The following METTL15 variants were observed in gnomAD, a reference collection of about 807,000 sequenced individuals.
The protein encoded by METTL15 is 12S rRNA N(4)-cytidine methyltransferase METTL15.
A neutral mutation model predicts 38.3 loss-of-function variants in METTL15; 34 were observed. The observed-to-expected ratio is 0.89, with a 90% confidence interval of 0.68 to 1.18. The LOEUF (loss-of-function observed/expected upper bound fraction) is 1.18. Among genes scored for constraint, METTL15 ranks in the 50% most tolerant of loss-of-function variants. The pLI, the probability that METTL15 is intolerant of heterozygous loss-of-function variation, is 0.00. For missense variants in METTL15, 438 were observed against 498.4 expected (o/e 0.88, Z 1.15); for synonymous variants, 162 against 170.9 (o/e 0.95, Z 0.41).
intron 4 of METTL15, among the ~76,000 whole-genome samples, chr11:28,223,216 A>T (rs1483738335): frequency 6.6e-6 from 1 of 152,166 alleles, no homozygotes; most frequent in Non-Finnish European, 1.5e-5. Context: ...AGACAGGATT[A>T]ACAATGGAGG....
intron 3 of METTL15, among the ~76,000 whole-genome samples, chr11:28,199,467 T>G (rs758184500): frequency 6.6e-6 from 1 of 152,190 alleles, no homozygotes; most frequent in Non-Finnish European, 1.5e-5. Context: ...GAAGTTTCTC[T>G]TAAAATGCCT....
chr11:28,394,345 C>T (rs1850546248), intron 5 of METTL15, among the ~76,000 whole-genome samples: 1 of 152,084 alleles, frequency 6.6e-6, no homozygotes, highest in Non-Finnish European at 1.5e-5. Flanking sequence ...ATTCACAACA[C>T]AAATGCTGAG....
intron 3 of METTL15, among the ~76,000 whole-genome samples, chr11:28,141,009 G>T (rs1411533661): frequency 3.3e-5 from 5 of 152,154 alleles, no homozygotes; most frequent in Non-Finnish European, 7.3e-5. Flanking sequence ...GGTTCTTCTT[G>T]CCCGATGCCC....
chr11:28,325,188 C>T (rs1223003270), intron 6 of METTL15, among the ~76,000 whole-genome samples: 1 of 152,172 alleles, frequency 6.6e-6, no homozygotes, highest in African/African-American at 2.4e-5. Context: ...TGGCATAGAA[C>T]CAAGTGATGG....
chr11:28,207,691 T>G (rs1341166542), intron 3 of METTL15, among the ~76,000 whole-genome samples: 3 of 152,096 alleles, frequency 2.0e-5, no homozygotes, highest in Admixed American at 6.6e-5. Context: ...ATGGTACCAA[T>G]TCCTCCTTGT....
intron 4 of METTL15, among the ~76,000 whole-genome samples, chr11:28,271,280 T>G (rs960744754): frequency 1.1e-4 from 17 of 152,180 alleles, no homozygotes; most frequent in Admixed American, 1.1e-3. Context: ...TGACCCTAAA[T>G]CTGAATGAAT....
chr11:28,379,709 T>G (rs935029797), intron 5 of METTL15, among the ~76,000 whole-genome samples: 1 of 152,214 alleles, frequency 6.6e-6, no homozygotes, highest in Non-Finnish European at 1.5e-5. Flanking sequence ...ATTCTGTAAA[T>G]GTCAGTTAGG....
At chr11:28,382,136 C>T (rs1850392894) in intron 5 of METTL15, among the ~76,000 whole-genome samples, 1 of 152,154 alleles carries the variant, frequency 6.6e-6, no homozygotes, top group Non-Finnish European at 1.5e-5. Flanking sequence ...AGTAAAAAAT[C>T]AGAGTGTTGC....
At chr11:28,456,730 G>A (rs968060937) in intron 6 of METTL15, among the ~76,000 whole-genome samples, 5 of 152,080 alleles carry the variant, frequency 3.3e-5, no homozygotes, top group African/African-American at 7.2e-5. Flanking sequence ...GTGAGCCACC[G>A]CACCTGGCCA....
At chr11:28,197,398 C>T (rs538338732) in intron 3 of METTL15, 20 of 262,034 alleles carry the variant, frequency 7.6e-5, no homozygotes, top group Non-Finnish European at 1.2e-4. Flanking sequence ...GATTAAAATC[C>T]GTTTTATAAT....
intron 6 of METTL15, among the ~76,000 whole-genome samples, chr11:28,300,185 A>AT (rs1427515317): frequency 1.3e-5 from 2 of 152,150 alleles, no homozygotes; most frequent in Non-Finnish European, 2.9e-5. Context: ...TTTGACAAAC[A>AT]TGTATTTTGG....
intron 5 of METTL15, among the ~76,000 whole-genome samples, chr11:28,396,016 C>T (rs549971545): frequency 1.7e-3 from 252 of 152,184 alleles, no homozygotes; most frequent in African/African-American, 3.7e-3. Flanking sequence ...TCTCAATAGA[C>T]GCAGAAAAGG....
downstream of METTL15, among the ~76,000 whole-genome samples, chr11:28,530,073 C>T (rs1209353625): frequency 6.6e-6 from 1 of 151,990 alleles, no homozygotes; most frequent in Non-Finnish European, 1.5e-5. Context: ...AGGGGAAGGC[C>T]AATAACTCTA....
intron 4 of METTL15, among the ~76,000 whole-genome samples, chr11:28,214,633 C>T (rs982354250): frequency 2.0e-5 from 3 of 152,140 alleles, no homozygotes; most frequent in Admixed American, 6.5e-5. Flanking sequence ...CAAGGACAAG[C>T]AGTAATTATT....
At chr11:28,515,524 G>C (rs999975805) in intron 6 of METTL15, among the ~76,000 whole-genome samples, 4 of 152,064 alleles carry the variant, frequency 2.6e-5, no homozygotes, top group African/African-American at 9.7e-5. Flanking sequence ...ACAGCCTATG[G>C]GCTACATATG....
At chr11:28,448,162 G>A (rs1453140530) in intron 6 of METTL15, among the ~76,000 whole-genome samples, 1 of 152,024 alleles carries the variant, frequency 6.6e-6, no homozygotes, top group East Asian at 1.9e-4. Context: ...TCTTATCTCT[G>A]GCTGGTCACT....
intron 6 of METTL15, among the ~76,000 whole-genome samples, chr11:28,448,607 G>T (rs1171611730): frequency 6.6e-6 from 1 of 152,092 alleles, no homozygotes; most frequent in East Asian, 1.9e-4. Context: ...ATTTTTCTCT[G>T]ATTTTGTTTT....
chr11:28,456,631 G>A (rs371740497), intron 6 of METTL15, among the ~76,000 whole-genome samples: 83 of 151,922 alleles, frequency 5.5e-4, no homozygotes, highest in Non-Finnish European at 9.6e-4. Flanking sequence ...TAATAGAGAC[G>A]GGGCTTCACC....
In METTL15 at chr11:28,279,499, T is replaced by C. The variant is rs560906419; in HGVS notation, c.408-10707T>C. ...GTTCCTTTTTCTCTCCTTTATTGCCTTTTAAAAATTAGTCCATTTCTTCAT... is the reference window on the plus strand; with the variant it reads ...GTTCCTTTTTCTCTCCTTTATTGCCCTTTAAAAATTAGTCCATTTCTTCAT... On this transcript the variant is annotated intron_variant, in intron 4 of 6. Coordinates refer to ENST00000407364, the MANE Select transcript of METTL15 (RefSeq NM_001113528.2). Among the ~76,000 whole-genome samples, 7 of 152,350 alleles carry C rather than the reference T, an allele frequency of 4.6e-5. No individual in the cohort carries two copies. In the South Asian group the frequency reaches 1.2e-3, roughly 27 times the overall value.
Sources: allele counts gnomAD v4.1 joint callset (sites outside exome capture counted in the v4.1 genomes callset), GRCh38; gene constraint gnomAD v4.1.1; transcripts MANE v1.5; gene names NCBI Gene and HGNC (gene_info 2026-07-23, HGNC 2026-07-21).